The following WASL variants were observed in gnomAD, a reference collection of about 807,000 sequenced individuals.
WASL encodes the protein WASP like actin nucleation promoting factor.
In WASL, 20 loss-of-function variants were observed where a neutral mutation model predicts 55.5. That is an observed-to-expected ratio of 0.36 (90% CI 0.25 to 0.52). The LOEUF (loss-of-function observed/expected upper bound fraction) is 0.52, where lower values mean the gene tolerates loss of function less well. Ranked by LOEUF, WASL falls within the 20% of genes least tolerant of loss-of-function variation. WASL has a pLI of 0.92. For synonymous variants in WASL, 249 were observed against 217.6 expected (o/e 1.14, Z -1.27); for missense variants, 504 against 622.5 (o/e 0.81, Z 2.03).
chr7:123,727,892 ACTT>A (rs1262902987), intron 1 of WASL, among the ~76,000 whole-genome samples: 5 of 152,214 alleles, frequency 3.3e-5, no homozygotes, highest in African/African-American at 4.8e-5. Context: ...AACACTAACG[ACTT>A]CTTATGTTTG....
intron 1 of WASL, among the ~76,000 whole-genome samples, chr7:123,731,500 T>C (rs1262360054): frequency 6.6e-6 from 1 of 152,040 alleles, no homozygotes; most frequent in East Asian, 1.9e-4. Flanking sequence ...AACAGTACAA[T>C]ACACATTCTT....
chr7:123,746,066 G>A (rs1019319466), intron 1 of WASL, among the ~76,000 whole-genome samples: 1 of 152,130 alleles, frequency 6.6e-6, no homozygotes, highest in East Asian at 1.9e-4. Context: ...AGGATAGGAA[G>A]CTCAAGAAAC....
chr7:123,699,538 C>T (rs1803545363), intron 5 of WASL, among the ~76,000 whole-genome samples: 1 of 152,046 alleles, frequency 6.6e-6, no homozygotes, highest in Non-Finnish European at 1.5e-5. Flanking sequence ...TATATAAAAG[C>T]CATCTATTAT....
At chr7:123,712,198 T>C (rs142304440) in intron 1 of WASL, among the ~76,000 whole-genome samples, 5 of 152,234 alleles carry the variant, frequency 3.3e-5, no homozygotes, top group African/African-American at 1.2e-4. Context: ...TTTGTGTACC[T>C]TGTGTTACTC....
intron 1 of WASL, among the ~76,000 whole-genome samples, chr7:123,709,755 T>C (rs886757983): frequency 1.1e-4 from 17 of 152,182 alleles, no homozygotes; most frequent in Non-Finnish European, 1.6e-4. Flanking sequence ...TAAGCACTTA[T>C]CTAGATAAGG....
chr7:123,709,784 G>A (rs528524760), intron 1 of WASL, among the ~76,000 whole-genome samples: 1 of 152,290 alleles, frequency 6.6e-6, no homozygotes, highest in Admixed American at 6.5e-5. Flanking sequence ...AAACTTGAAA[G>A]CAGTATTACC....
At chr7:123,719,073 C>T (rs1803893102) in intron 1 of WASL, among the ~76,000 whole-genome samples, 1 of 152,206 alleles carries the variant, frequency 6.6e-6, no homozygotes, top group South Asian at 2.1e-4. Flanking sequence ...CTTGTCACAT[C>T]ATCTCTTTTT....
chr7:123,696,857 AT>A, intron 5 of WASL, 110 bp from the exon 6 acceptor site: 1 of 752,156 alleles, frequency 1.3e-6, no homozygotes, highest in Non-Finnish European at 1.8e-6. Context: ...TTCATTATAA[AT>A]TATTTATATT....
At chr7:123,728,320 A>C (rs1340717379) in intron 1 of WASL, among the ~76,000 whole-genome samples, 2 of 152,236 alleles carry the variant, frequency 1.3e-5, no homozygotes, top group Non-Finnish European at 2.9e-5. Flanking sequence ...CAAAAATTAA[A>C]TTTAAAACTG....
intron 1 of WASL, among the ~76,000 whole-genome samples, chr7:123,721,921 G>A (rs1803954590): frequency 1.3e-5 from 2 of 152,050 alleles, no homozygotes; most frequent in Non-Finnish European, 2.9e-5. Flanking sequence ...AAATTAATTG[G>A]GAATGATTTC....
At chr7:123,739,278 T>A (rs1002572050) in intron 1 of WASL, among the ~76,000 whole-genome samples, 1 of 152,168 alleles carries the variant, frequency 6.6e-6, no homozygotes, top group Non-Finnish European at 1.5e-5. Flanking sequence ...CCATCCACTA[T>A]CTGCCCAAGC....
intron 1 of WASL, among the ~76,000 whole-genome samples, chr7:123,738,941 G>GA (rs1804283991): frequency 6.6e-6 from 1 of 152,034 alleles, no homozygotes; most frequent in Non-Finnish European, 1.5e-5. Context: ...GAAAGTTTAT[G>GA]AATTTGGATT....
intron 9 of WASL, among the ~76,000 whole-genome samples, chr7:123,690,053 T>C (rs916152058): frequency 3.3e-5 from 5 of 152,186 alleles, no homozygotes; most frequent in African/African-American, 9.7e-5. Flanking sequence ...TTAAACATTA[T>C]GTATTAACTA....
In WASL at chr7:123,703,699, G is replaced by A. The variant is rs1444820634; in HGVS notation, c.460+935C>T. Among the ~76,000 whole-genome samples, 5 of 152,082 alleles carry A rather than the reference G, an allele frequency of 3.3e-5. No homozygotes were observed. The East Asian group carries it at 5.8e-4, about 18-fold the overall frequency. On this transcript the variant is annotated intron_variant, in intron 5 of 10. Coordinates refer to ENST00000223023, the MANE Select transcript of WASL (RefSeq NM_003941.4). ...TTTAAGGACAAAATCAAAAGGCAAC[G>A]TATCTGTTTAAAAGAAACCCCAACA...
At chr7:123,693,015 C>A (rs1056450314) in intron 8 of WASL, 148 bp from the exon 9 acceptor site, 2 of 1,107,868 alleles carry the variant, frequency 1.8e-6, no homozygotes, top group Admixed American at 6.8e-5. Context: ...GATACCTGAG[C>A]ACAGATGATA....
intron 1 of WASL, among the ~76,000 whole-genome samples, chr7:123,723,934 A>G (rs904473281): frequency 1.3e-5 from 2 of 152,196 alleles, no homozygotes; most frequent in South Asian, 2.1e-4. Context: ...GTATATTCTC[A>G]TATCTCTGAA....
intron 1 of WASL, among the ~76,000 whole-genome samples, chr7:123,743,711 G>C (rs180782453): frequency 6.6e-5 from 10 of 152,140 alleles, no homozygotes; most frequent in Non-Finnish European, 1.5e-4. Flanking sequence ...AATACTTTGT[G>C]TCATGGACTC....
At chr7:123,709,629 A>T (rs1803724379) in intron 1 of WASL, among the ~76,000 whole-genome samples, 1 of 152,204 alleles carries the variant, frequency 6.6e-6, no homozygotes, top group African/African-American at 2.4e-5. Context: ...AAATCCAGGC[A>T]ATTTGTGACT....
chr7:123,737,348 A>G (rs977146764), intron 1 of WASL, among the ~76,000 whole-genome samples: 1 of 152,150 alleles, frequency 6.6e-6, no homozygotes, highest in African/African-American at 2.4e-5. Flanking sequence ...CTGTAATCCC[A>G]GCACTCTGGG....
Sources: allele counts gnomAD v4.1 joint callset (sites outside exome capture counted in the v4.1 genomes callset), GRCh38; gene constraint gnomAD v4.1.1; transcripts MANE v1.5; gene names NCBI Gene and HGNC (gene_info 2026-07-23, HGNC 2026-07-21).